The following ZNF608 variants were observed in gnomAD, a reference collection of about 807,000 sequenced individuals.
ZNF608 encodes the protein zinc finger protein 608.
ZNF608 carries 12 observed loss-of-function variants against 109.0 expected under a neutral mutation model. The ratio of observed to expected loss-of-function variants is 0.11; its 90% CI spans 0.07 to 0.18. ZNF608 has a LOEUF of 0.18. Among genes scored for constraint, ZNF608 ranks in the 10% least tolerant of loss-of-function variants. ZNF608 has a pLI of 1.00. For synonymous variants in ZNF608, 732 were observed against 717.4 expected (o/e 1.02, Z -0.33); for missense variants, 1,707 against 1,879.3 (o/e 0.91, Z 1.70).
At chr5:124,659,226 A>T (rs1407027719) in intron 3 of ZNF608, among the ~76,000 whole-genome samples, 2 of 152,096 alleles carry the variant, frequency 1.3e-5, no homozygotes, top group Admixed American at 1.3e-4. Context: ...CTAGAAAAAA[A>T]CAGGTAAAGA....
At chr5:124,719,255 C>T (rs1753817812) in intron 2 of ZNF608, among the ~76,000 whole-genome samples, 1 of 152,134 alleles carries the variant, frequency 6.6e-6, no homozygotes. Context: ...GCACAGCGTT[C>T]GTTTCAGTGA....
At chr5:124,712,289 T>C (rs745971893) in intron 2 of ZNF608, among the ~76,000 whole-genome samples, 1 of 152,080 alleles carries the variant, frequency 6.6e-6, no homozygotes, top group Non-Finnish European at 1.5e-5. Context: ...TCTGTTTCAG[T>C]TGGTGACAGT....
At chr5:124,722,716 A>T (rs1240122245) in intron 2 of ZNF608, among the ~76,000 whole-genome samples, 2 of 152,108 alleles carry the variant, frequency 1.3e-5, no homozygotes, top group African/African-American at 2.4e-5. Context: ...CAAATAAGCT[A>T]TCTGAAGCTT....
At chr5:124,714,846 T>G in intron 2 of ZNF608, among the ~76,000 whole-genome samples, 1 of 152,212 alleles carries the variant, frequency 6.6e-6, no homozygotes, top group East Asian at 1.9e-4. Flanking sequence ...AGTTTTCAAA[T>G]TAAATGAAAC....
chr5:124,730,199 T>A (rs1390879515), intron 2 of ZNF608, among the ~76,000 whole-genome samples: 1 of 152,228 alleles, frequency 6.6e-6, no homozygotes, highest in Non-Finnish European at 1.5e-5. Flanking sequence ...GAGATCTGTG[T>A]TTATGTGTTA....
intron 2 of ZNF608, chr5:124,710,368 T>G (rs761313209): frequency 2.7e-6 from 1 of 373,914 alleles, no homozygotes; most frequent in Non-Finnish European, 5.2e-6. Context: ...TTTTACACAT[T>G]TGAATTACAA....
intron 2 of ZNF608, among the ~76,000 whole-genome samples, chr5:124,703,153 C>T (rs557971637): frequency 2.4e-4 from 36 of 151,650 alleles, no homozygotes; most frequent in African/African-American, 8.0e-4. Context: ...GACTGCAATT[C>T]GATGTCACAT....
chr5:124,681,610 G>A (rs1752199148), intron 3 of ZNF608, among the ~76,000 whole-genome samples: 1 of 152,146 alleles, frequency 6.6e-6, no homozygotes, highest in African/African-American at 2.4e-5. Flanking sequence ...GGCCTAGCAT[G>A]TTGGCACATG....
intron 3 of ZNF608, among the ~76,000 whole-genome samples, chr5:124,652,499 C>T (rs1033102128): frequency 9.9e-5 from 15 of 152,182 alleles, no homozygotes; most frequent in Non-Finnish European, 1.5e-4. Context: ...TTCACAATGC[C>T]ACAGAGTGTT....
intron 3 of ZNF608, among the ~76,000 whole-genome samples, chr5:124,687,770 C>G (rs904053753): frequency 6.6e-6 from 1 of 152,098 alleles, no homozygotes; most frequent in African/African-American, 2.4e-5. Context: ...TATTTGAGAT[C>G]AGAAAGGCCC....
intron 2 of ZNF608, among the ~76,000 whole-genome samples, chr5:124,726,888 G>A (rs964182568): frequency 1.3e-5 from 2 of 152,154 alleles, no homozygotes; most frequent in Admixed American, 1.3e-4. Flanking sequence ...AAACAGACTA[G>A]GAAGCATCTC....
At chr5:124,642,917 G>A (rs1217282001) in intron 7 of ZNF608, among the ~76,000 whole-genome samples, 1 of 151,716 alleles carries the variant, frequency 6.6e-6, no homozygotes, top group African/African-American at 2.4e-5. Context: ...GGCTGGTCTC[G>A]AATTCCTGAC....
At chr5:124,725,749 T>C (rs986691599) in intron 2 of ZNF608, among the ~76,000 whole-genome samples, 11 of 152,178 alleles carry the variant, frequency 7.2e-5, no homozygotes, top group East Asian at 3.9e-4. Flanking sequence ...CCTGTTATAA[T>C]GGAGGACTGT....
rs1750412157 is a variant in ZNF608 at position 124,644,597 on chromosome 5, G to A, written c.3770C>T (p.Ser1257Leu). The change falls in exon 6 of 10, where the codon TCA becomes TTA. Residue 1257 changes from serine (S) to leucine (L), a missense_variant. By Grantham distance (145) the Ser-to-Leu change is moderately radical (BLOSUM62 -2). Transcript: ENST00000513986. ...TTTCTTCTCTCTATCAAGTTCTTCT[G>A]ACTTTTGCTGATCCAGATATTTGGG... ...YQPKYLDQQK[S>L]EELDREKKLK... is the part of the protein sequence containing the mutation. 6.2e-7 allele frequency: 1 copy of A among 1,611,812 alleles called. No individual in the cohort carries two copies. Among genetic ancestry groups the A allele is most frequent in the South Asian group, 1.1e-5 (1 of 90,510 alleles).
At chr5:124,665,331 T>C (rs1751434331) in intron 3 of ZNF608, among the ~76,000 whole-genome samples, 1 of 152,216 alleles carries the variant, frequency 6.6e-6, no homozygotes, top group Non-Finnish European at 1.5e-5. Flanking sequence ...TGTTAAATAC[T>C]TACTGGCACA....
At position 124,637,323 on chromosome 5, in the gene ZNF608, C is replaced by T. The variant is rs955625500; in HGVS notation, c.*577G>A. 2 of 152,582 alleles carry T rather than the reference C, an allele frequency of 1.3e-5. No homozygotes were observed. The highest frequency in any genetic ancestry group is 2.1e-4 in the South Asian group (1 of 4,832). The allele number at this position is 152,582 out of a possible 1,614,324, so 9.5% of individuals were successfully genotyped here. A position where few individuals can be genotyped will look rare whatever the true frequency, so the allele number is the denominator to read the frequency against. ...GTACTTTTTCCACAATACACAAGTACAAACAGTGACTACAGGAACATTTTA... is the reference window on the plus strand; with the variant it reads ...GTACTTTTTCCACAATACACAAGTATAAACAGTGACTACAGGAACATTTTA... On this transcript the variant is annotated 3_prime_UTR_variant, in exon 10 of 10. Coordinates refer to ENST00000513986, the MANE Select transcript of ZNF608 (RefSeq NM_020747.3).
intron 3 of ZNF608, among the ~76,000 whole-genome samples, chr5:124,676,775 G>A: frequency 6.6e-6 from 1 of 152,172 alleles, no homozygotes; most frequent in Non-Finnish European, 1.5e-5. Context: ...TTCATGTTGA[G>A]TGAAAAAAGC....
chr5:124,674,133 T>C (rs949667979), intron 3 of ZNF608, among the ~76,000 whole-genome samples: 5 of 152,220 alleles, frequency 3.3e-5, no homozygotes, highest in African/African-American at 1.2e-4. Flanking sequence ...CATTCTCCTG[T>C]AGATTCTGGT....
At chr5:124,720,716 A>C (rs1416939439) in intron 2 of ZNF608, among the ~76,000 whole-genome samples, 4 of 152,104 alleles carry the variant, frequency 2.6e-5, no homozygotes, top group Non-Finnish European at 5.9e-5. Flanking sequence ...GCCGCACTTC[A>C]TGTTCTTACA....
Sources: gnomAD v4.1 joint callset for allele counts (sites outside exome capture counted in the v4.1 genomes callset) on GRCh38, gnomAD v4.1.1 for gene constraint, MANE v1.5 for transcripts, NCBI Gene and HGNC (gene_info 2026-07-23, HGNC 2026-07-21) for gene names.